Variants in GRM3 observed in about 807,000 individuals in gnomAD.
GRM3 encodes the protein metabotropic glutamate receptor 3.
GRM3 carries 26 observed loss-of-function variants against 70.5 expected under a neutral mutation model. The ratio of observed to expected loss-of-function variants is 0.37; its 90% confidence interval spans 0.27 to 0.51. The LOEUF is 0.51. Ranked by LOEUF, GRM3 falls within the 20% of genes least tolerant of loss-of-function variation. The pLI is 0.93. For missense variants in GRM3, 859 were observed against 1,123.8 expected (o/e 0.76, Z 3.37); for synonymous variants, 443 against 434.9 (o/e 1.02, Z -0.23).
intron 1 of GRM3, among the ~76,000 whole-genome samples, chr7:86,666,277 G>A (rs1794023818): frequency 6.6e-6 from 1 of 151,866 alleles, no homozygotes; most frequent in African/African-American, 2.4e-5. Flanking sequence ...TATTAACTTC[G>A]GAAAATAGCT....
intron 3 of GRM3, among the ~76,000 whole-genome samples, chr7:86,817,465 C>A (rs1353903667): frequency 1.3e-5 from 2 of 151,836 alleles, no homozygotes; most frequent in East Asian, 1.9e-4. Flanking sequence ...TCATTTTCTC[C>A]AGTTACATCC....
At chr7:86,804,943 CT>C (rs1797757440) in intron 3 of GRM3, among the ~76,000 whole-genome samples, 1 of 152,144 alleles carries the variant, frequency 6.6e-6, no homozygotes, top group African/African-American at 2.4e-5. Context: ...GAGATCCCAA[CT>C]CTACAAATTT....
Position 86,691,768 on chromosome 7 carries a change from C to T in GRM3, c.-141+46896C>T, listed in dbSNP as rs368115246. ...TCTTGCCCTCTCTTTGCCCTTCTGC[C>T]ATGAAATGACTTAGCAAGAAGACCC... On this transcript the variant is annotated intron_variant, in intron 1 of 5. Transcript: ENST00000361669. Among the ~76,000 whole-genome samples, 14 of 152,262 alleles carry T rather than the reference C, an allele frequency of 9.2e-5. 1 individual carries two copies. Among genetic ancestry groups the T allele is most frequent in the African/African-American group, 2.9e-4 (12 of 41,558 alleles).
chr7:86,695,664 A>G (rs1794798799), intron 1 of GRM3, among the ~76,000 whole-genome samples: 1 of 152,210 alleles, frequency 6.6e-6, no homozygotes, highest in Non-Finnish European at 1.5e-5. Flanking sequence ...TCAACAAAAA[A>G]GTGAAAGTAA....
chr7:86,671,992 A>G lies in GRM3; in HGVS notation c.-141+27120A>G, dbSNP rs1794184261. Among the ~76,000 whole-genome samples, 4 of 152,346 alleles carry G rather than the reference A, an allele frequency of 2.6e-5. No individual in the cohort carries two copies. The South Asian group carries it at 8.3e-4, about 32-fold the overall frequency. ...AACAGGTTCGACTCAAGAAGAAACT[A>G]TAATTTTCCTGTTGCTGCCACTTCT... On this transcript the variant is annotated intron_variant, in intron 1 of 5. Coordinates refer to ENST00000361669, the MANE Select transcript of GRM3 (RefSeq NM_000840.3).
chr7:86,662,730 G>A (rs1793924526), intron 1 of GRM3, among the ~76,000 whole-genome samples: 1 of 151,814 alleles, frequency 6.6e-6, no homozygotes, highest in African/African-American at 2.4e-5. Flanking sequence ...AATTTCTGAA[G>A]CTATGAATTT....
rs149963565 is a variant in GRM3 at position 86,699,121 on chromosome 7, T to C, written c.-141+54249T>C. Among the ~76,000 whole-genome samples, 1,372 of 152,138 alleles carry C rather than the reference T, an allele frequency of 9.0e-3. 16 individuals carry two copies. The highest frequency in any genetic ancestry group is 0.031 in the African/African-American group (1,307 of 41,532). On this transcript the variant is annotated intron_variant, in intron 1 of 5. Transcript: ENST00000361669. Reference sequence around the variant, plus strand: ...ACAGGGAGAGAAGCCATTAGATTGTTTCAGGAACCAGACGTTTGAGCTTAT... The same window carrying C: ...ACAGGGAGAGAAGCCATTAGATTGTCTCAGGAACCAGACGTTTGAGCTTAT...
intron 1 of GRM3, among the ~76,000 whole-genome samples, chr7:86,757,753 G>A (rs1796382496): frequency 1.3e-5 from 2 of 152,058 alleles, no homozygotes; most frequent in South Asian, 4.1e-4. Context: ...AATCTATGGG[G>A]TAACCATGGG....
intron 3 of GRM3, among the ~76,000 whole-genome samples, chr7:86,790,894 C>T (rs1295479982): frequency 6.6e-6 from 1 of 152,062 alleles, no homozygotes; most frequent in African/African-American, 2.4e-5. Flanking sequence ...CCCCTATTTC[C>T]CTTGTACCCT....
At chr7:86,656,106 A>C (rs1190948224) in intron 1 of GRM3, among the ~76,000 whole-genome samples, 1 of 151,938 alleles carries the variant, frequency 6.6e-6, no homozygotes, top group East Asian at 1.9e-4. Flanking sequence ...TACAGGAAAA[A>C]ATTCTTAGCA....
intron 1 of GRM3, among the ~76,000 whole-genome samples, chr7:86,648,349 C>T (rs553699371): frequency 1.3e-5 from 2 of 152,296 alleles, no homozygotes; most frequent in African/African-American, 4.8e-5. Context: ...TTGTTTGCAA[C>T]AGAACCCTGT....
chr7:86,816,057 T>C (rs1482883351), intron 3 of GRM3, among the ~76,000 whole-genome samples: 1 of 151,892 alleles, frequency 6.6e-6, no homozygotes, highest in African/African-American at 2.4e-5. Context: ...GTTTCATGAG[T>C]ACCTGGAAGG....
At chr7:86,650,190 C>T (rs751243143) in intron 1 of GRM3, among the ~76,000 whole-genome samples, 2 of 152,012 alleles carry the variant, frequency 1.3e-5, no homozygotes, top group African/African-American at 4.8e-5. Flanking sequence ...GAAGTAGGTA[C>T]TGGGATCCTC....
intron 3 of GRM3, among the ~76,000 whole-genome samples, chr7:86,794,598 AC>A (rs1421359461): frequency 1.3e-5 from 2 of 152,152 alleles, no homozygotes; most frequent in Non-Finnish European, 1.5e-5. Context: ...AAAACTAGTC[AC>A]CATTTTCACC....
At chr7:86,667,814 C>T (rs1320854265) in intron 1 of GRM3, among the ~76,000 whole-genome samples, 1 of 152,134 alleles carries the variant, frequency 6.6e-6, no homozygotes, top group Non-Finnish European at 1.5e-5. Flanking sequence ...GGCACAAAAT[C>T]CTGTAATACC....
intron 4 of GRM3, among the ~76,000 whole-genome samples, chr7:86,845,359 C>G (rs1246591481): frequency 6.6e-6 from 1 of 152,184 alleles, no homozygotes; most frequent in East Asian, 1.9e-4. Context: ...TTGTGTTCAT[C>G]ATGGGCTTAG....
At chr7:86,710,547 T>C (rs1795170510) in intron 1 of GRM3, among the ~76,000 whole-genome samples, 1 of 95,630 alleles carries the variant, frequency 1.0e-5, no homozygotes, top group Non-Finnish European at 2.0e-5. Context: ...AAAAGTAAGC[T>C]GCTACTGTGT....
At chr7:86,846,855 C>A (rs1798665412) in intron 4 of GRM3, among the ~76,000 whole-genome samples, 1 of 152,174 alleles carries the variant, frequency 6.6e-6, no homozygotes, top group African/African-American at 2.4e-5. Context: ...GGCGTTTCTT[C>A]CTCATTGTCA....
intron 1 of GRM3, among the ~76,000 whole-genome samples, chr7:86,742,297 T>A (rs1199984786): frequency 6.6e-6 from 1 of 152,178 alleles, no homozygotes; most frequent in Non-Finnish European, 1.5e-5. Context: ...CTAGTTCACA[T>A]TCAGCTGGCA....
Sources: gnomAD v4.1 joint callset for allele counts (sites outside exome capture counted in the v4.1 genomes callset) on GRCh38, gnomAD v4.1.1 for gene constraint, MANE v1.5 for transcripts, NCBI Gene and HGNC (gene_info 2026-07-23, HGNC 2026-07-21) for gene names.